The following SLC9B1 variants were observed in gnomAD, a reference collection of about 807,000 sequenced individuals.
SLC9B1 encodes the protein solute carrier family 9 member B1.
Under a neutral mutation model 51.7 loss-of-function variants are expected in SLC9B1, and 32 were observed. The observed-to-expected ratio is 0.62, with a 90% CI of 0.47 to 0.83. SLC9B1 has a LOEUF of 0.83. Among genes scored for constraint, SLC9B1 ranks in the 40% least tolerant of loss-of-function variants. The pLI, the probability that SLC9B1 is intolerant of heterozygous loss-of-function variation, is 0.00. For synonymous variants in SLC9B1, 145 were observed against 212.7 expected (o/e 0.68, Z 2.77); for missense variants, 406 against 613.2 (o/e 0.66, Z 3.57).
At chr4:102,973,103 T>A (rs1301818073) in intron 3 of SLC9B1, among the ~76,000 whole-genome samples, 1 of 152,098 alleles carries the variant, frequency 6.6e-6, no homozygotes, top group African/African-American at 2.4e-5. Flanking sequence ...CAGAAATAAA[T>A]ATAAATTTAT....
At chr4:102,992,832 T>C (rs1463989554) in intron 1 of SLC9B1, among the ~76,000 whole-genome samples, 2 of 152,170 alleles carry the variant, frequency 1.3e-5, no homozygotes, top group African/African-American at 4.8e-5. Context: ...AGAGGTTGAA[T>C]TGACTCACAG....
At chr4:102,981,793 A>G (rs1739378900) in intron 3 of SLC9B1, among the ~76,000 whole-genome samples, 2 of 152,072 alleles carry the variant, frequency 1.3e-5, no homozygotes, top group South Asian at 2.1e-4. Flanking sequence ...TTTTCTTCCA[A>G]TCTGTTGCTT....
intron 3 of SLC9B1, among the ~76,000 whole-genome samples, chr4:102,955,371 T>C (rs1474873078): frequency 6.6e-6 from 1 of 152,144 alleles, no homozygotes; most frequent in Non-Finnish European, 1.5e-5. Context: ...TTCTTCCCAG[T>C]CTTGGGTATG....
chr4:102,944,281 T>C (rs1307451870), intron 6 of SLC9B1, among the ~76,000 whole-genome samples: 2 of 152,204 alleles, frequency 1.3e-5, no homozygotes, highest in African/African-American at 2.4e-5. Context: ...TTGGGTATTA[T>C]ACTTATTACC....
chr4:102,968,050 T>C (rs1466661097), intron 3 of SLC9B1, among the ~76,000 whole-genome samples: 1 of 152,160 alleles, frequency 6.6e-6, no homozygotes, highest in Admixed American at 6.5e-5. Context: ...GCCAAAAAAA[T>C]CTTGCTAAGT....
intron 11 of SLC9B1, among the ~76,000 whole-genome samples, chr4:102,887,152 GAA>G (rs1184790693): frequency 6.6e-6 from 1 of 152,136 alleles, no homozygotes; most frequent in Admixed American, 6.5e-5. Context: ...ACCAAATAAT[GAA>G]GTAACTGTTT....
chr4:102,925,826 A>T (rs1736138136), intron 7 of SLC9B1, among the ~76,000 whole-genome samples: 1 of 152,214 alleles, frequency 6.6e-6, no homozygotes, highest in African/African-American at 2.4e-5. Context: ...TCCCTGATGA[A>T]CATCGATGCA....
At chr4:102,957,782 A>ATGTGTGTG (rs199987719) in intron 3 of SLC9B1, among the ~76,000 whole-genome samples, 14 of 146,968 alleles carry the variant, frequency 9.5e-5, no homozygotes, top group African/African-American at 3.5e-4. Context: ...ATGTGTGTAT[A>ATGTGTGTG]TGTGTGTGTG....
At chr4:102,965,003 A>C (rs1738345818) in intron 3 of SLC9B1, among the ~76,000 whole-genome samples, 1 of 152,114 alleles carries the variant, frequency 6.6e-6, no homozygotes, top group Admixed American at 6.6e-5. Flanking sequence ...ACACACCCAC[A>C]CACACACACC....
In SLC9B1 at chr4:102,989,780, A is replaced by G. The variant is rs1251798943; in HGVS notation, c.211+20T>C. On this transcript the variant is annotated intron_variant, in intron 3 of 11. Transcript: ENST00000296422. ...CATATTTCTCATCTTCTCTTCATTT[A>G]CATTTTTTGTTTCACATACCATTTG... 2 of 1,507,680 alleles carry G rather than the reference A, an allele frequency of 1.3e-6. No individual in the cohort carries two copies. Among genetic ancestry groups the G allele is most frequent in the Non-Finnish European group, 1.8e-6 (2 of 1,110,452 alleles). The allele number at this position is 1,507,680 out of a possible 1,614,324, so 93.4% of individuals were successfully genotyped here.
intron 3 of SLC9B1, among the ~76,000 whole-genome samples, chr4:102,966,165 A>T (rs984647651): frequency 6.6e-6 from 1 of 152,160 alleles, no homozygotes; most frequent in Non-Finnish European, 1.5e-5. Context: ...CACTTCATGG[A>T]TTCACTAGGT....
At position 102,946,776 on chromosome 4, in the gene SLC9B1, A is replaced by G; in HGVS notation, c.396T>C (p.Ala132=). 6.3e-7 allele frequency: 1 copy of G among 1,594,624 alleles called. No individual in the cohort carries two copies. The highest frequency in any genetic ancestry group is 8.5e-7 in the Non-Finnish European group (1 of 1,174,826). The part of the protein sequence containing the change: ...PLPPLLGMLL[A]GFTIRNVPFI... ...ATGGAACATTCCTAATCGTAAAACC[A>G]GCCAGTAACATCCCTTAAAAGAAAG... Residue 132 remains alanine (A), a synonymous_variant, in exon 5 of 12, where the codon GCT becomes GCC. Coordinates refer to ENST00000296422, the MANE Select transcript of SLC9B1 (RefSeq NM_139173.4).
Position 102,902,616 on chromosome 4 carries a change from T to C in SLC9B1, c.1333-1284A>G, listed in dbSNP as rs552128222. On this transcript the variant is annotated intron_variant, in intron 11 of 11. Transcript: ENST00000296422. ...TAGAAATAATATTTATATAGTTATA[T>C]GGCATTCATCATATGGCAGGTATCA... Among the ~76,000 whole-genome samples, 221 of 152,356 alleles carry C rather than the reference T, an allele frequency of 1.5e-3. 2 individuals carry two copies. Among genetic ancestry groups the C allele is most frequent in the African/African-American group, 5.2e-3 (217 of 41,594 alleles).
rs1739943142 is a variant in SLC9B1, at chr4:102,991,648, G to T, written c.64C>A (p.Pro22Thr). The stretch of plus-strand genomic sequence containing the variant: ...GTATACTTTTAAGTTTTTACCTGAG[G>T]AGTTGTAGATGTTTGGAAGTTTTCA... Reference protein sequence around the residue: ...EDENFQTSTTPQSLIDPNNTA... With the variant: ...EDENFQTSTTTQSLIDPNNTA... Residue 22 changes from proline to threonine, a missense_variant, in exon 2 of 12, where the codon CCT (proline) becomes ACT (threonine). Coordinates refer to ENST00000296422, the MANE Select transcript of SLC9B1 (RefSeq NM_139173.4). The T allele has an allele frequency of 6.3e-7, 1 of 1,580,548 alleles. No individual in the cohort carries two copies. Among genetic ancestry groups the T allele is most frequent in the South Asian group, 1.2e-5 (1 of 86,896 alleles).
At chr4:102,902,759 T>G (rs1734848046) in intron 11 of SLC9B1, among the ~76,000 whole-genome samples, 1 of 152,186 alleles carries the variant, frequency 6.6e-6, no homozygotes, top group African/African-American at 2.4e-5. Flanking sequence ...ATTATTTCTT[T>G]AAAAGAATCC....
intron 4 of SLC9B1, among the ~76,000 whole-genome samples, chr4:102,947,665 T>C (rs1358907836): frequency 6.6e-6 from 1 of 152,262 alleles, no homozygotes; most frequent in Non-Finnish European, 1.5e-5. Flanking sequence ...CTGTACTGAA[T>C]ATTTAGATAT....
chr4:102,950,617 G>T (rs1560947332), intron 3 of SLC9B1, among the ~76,000 whole-genome samples: 1 of 152,174 alleles, frequency 6.6e-6, no homozygotes, highest in Non-Finnish European at 1.5e-5. Context: ...CAGAAAGTTA[G>T]AACAAAGTAT....
chr4:102,949,382 C>G lies in SLC9B1; in HGVS notation c.257G>C (p.Gly86Ala), dbSNP rs1737429583. ...ATTTCCACCAGGGAGAGCTTCAGAGCCTAAGATTGACCAGGTCATACACCA... is the reference window on the plus strand; with the variant it reads ...ATTTCCACCAGGGAGAGCTTCAGAGGCTAAGATTGACCAGGTCATACACCA... Reference protein sequence around the residue: ...VIWCMTWSILGSEALPGGNLF... With the variant: ...VIWCMTWSILASEALPGGNLF... The change falls in exon 4 of 12, where the codon GGC becomes GCC. Residue 86 changes from glycine to alanine, a missense_variant. This residue lies in a region of SLC9B1 where 250 missense variants were observed against 394.1 expected (regional missense o/e 0.63). Transcript: ENST00000296422. 6.2e-7 allele frequency: 1 copy of G among 1,609,752 alleles called. No individual in the cohort carries two copies. The highest frequency in any genetic ancestry group is 8.5e-7 in the Non-Finnish European group (1 of 1,179,134).
chr4:102,969,508 G>T (rs1336313990), intron 3 of SLC9B1, among the ~76,000 whole-genome samples: 3 of 152,212 alleles, frequency 2.0e-5, no homozygotes, highest in African/African-American at 4.8e-5. Flanking sequence ...ACCAAAGGTA[G>T]ATAAAACCAC....
Sources: allele counts gnomAD v4.1 joint callset (sites outside exome capture counted in the v4.1 genomes callset), GRCh38; gene constraint gnomAD v4.1.1; regional missense constraint gnomAD v4.1.1; transcripts MANE v1.5; gene names NCBI Gene and HGNC (gene_info 2026-07-23, HGNC 2026-07-21).